Variants in GRM7 observed in about 807,000 individuals in gnomAD.
The protein encoded by GRM7 is glutamate metabotropic receptor 7, also known as metabotropic glutamate receptor 7.
GRM7 carries 35 observed loss-of-function variants against 84.5 expected under a neutral mutation model. The observed-to-expected ratio is 0.41, with a 90% CI of 0.32 to 0.55. GRM7 has a LOEUF of 0.55. GRM7 is among the 20% of genes least tolerant of loss of function. GRM7 has a pLI of 0.19. For missense variants in GRM7, 1,003 were observed against 1,194.6 expected, an observed-to-expected ratio of 0.84 and a Z score of 2.36; for synonymous variants, 487 against 455.1, an observed-to-expected ratio of 1.07 and a Z score of -0.89.
rs572276217 is a variant in GRM7, at chr3:7,540,981, T to C, written c.1516-37441T>C. On this transcript the variant is annotated intron_variant, in intron 7 of 9. Transcript: ENST00000357716. ...AGAAGTACATATAGATTATTCAATA[T>C]GTTAATAAAGCTTGGAAACAAATTC... Among the ~76,000 whole-genome samples, 8 of 152,316 alleles carry C rather than the reference T, an allele frequency of 5.3e-5. No homozygotes were observed. The East Asian group carries it at 1.5e-3, about 29-fold the overall frequency.
intron 2 of GRM7, among the ~76,000 whole-genome samples, chr3:7,227,808 G>A (rs182588139): frequency 6.6e-6 from 1 of 152,266 alleles, no homozygotes; most frequent in East Asian, 1.9e-4. Flanking sequence ...TTCTCTGGCT[G>A]CAAGTGATAG....
intron 7 of GRM7, among the ~76,000 whole-genome samples, chr3:7,476,828 TTC>T (rs1292812699): frequency 6.6e-6 from 1 of 152,184 alleles, no homozygotes; most frequent in Non-Finnish European, 1.5e-5. Context: ...ATCTGTCACA[TTC>T]TGTCTGACAG....
intron 7 of GRM7, among the ~76,000 whole-genome samples, chr3:7,463,985 C>G (rs1698358941): frequency 6.6e-6 from 1 of 152,116 alleles, no homozygotes; most frequent in South Asian, 2.1e-4. Context: ...AATTATGATT[C>G]TTTTGCAGGT....
chr3:7,485,069 C>T (rs574893664), intron 7 of GRM7, among the ~76,000 whole-genome samples: 2 of 152,266 alleles, frequency 1.3e-5, no homozygotes, highest in East Asian at 1.9e-4. Context: ...ACATGGTGAG[C>T]TTGCAAGTCA....
At chr3:7,315,551 G>T (rs541319896) in intron 4 of GRM7, among the ~76,000 whole-genome samples, 27 of 152,112 alleles carry the variant, frequency 1.8e-4, no homozygotes, top group Non-Finnish European at 3.2e-4. Flanking sequence ...AATAAACTTT[G>T]TCCATCCTTC....
intron 3 of GRM7, among the ~76,000 whole-genome samples, chr3:7,300,049 T>A (rs1699944558): frequency 1.3e-5 from 2 of 151,904 alleles, no homozygotes; most frequent in Non-Finnish European, 2.9e-5. Context: ...AAGACAAAAA[T>A]ATGTCCCTTC....
intron 7 of GRM7, among the ~76,000 whole-genome samples, chr3:7,575,800 G>T (rs956149425): frequency 1.3e-5 from 2 of 152,090 alleles, no homozygotes; most frequent in African/African-American, 4.8e-5. Context: ...AACAAATTAA[G>T]TGATCAGTCA....
chr3:7,579,686 C>T (rs930997660), intron 8 of GRM7, among the ~76,000 whole-genome samples: 11 of 151,928 alleles, frequency 7.2e-5, no homozygotes, highest in African/African-American at 2.2e-4. Context: ...TCTCCACTTA[C>T]CCACATATTT....
At chr3:7,226,713 T>C (rs959269848) in intron 2 of GRM7, among the ~76,000 whole-genome samples, 34 of 152,286 alleles carry the variant, frequency 2.2e-4, no homozygotes, top group African/African-American at 7.9e-4. Flanking sequence ...ATTGAATAAA[T>C]CAAACTTCCT....
intron 1 of GRM7, among the ~76,000 whole-genome samples, chr3:6,904,416 C>T (rs990625232): frequency 6.6e-6 from 1 of 152,264 alleles, no homozygotes; most frequent in South Asian, 2.1e-4. Context: ...CTTCAGTTTT[C>T]TCACCTGTAA....
chr3:7,094,591 T>C (rs142802185), intron 1 of GRM7, among the ~76,000 whole-genome samples: 397 of 152,334 alleles, frequency 2.6e-3, no homozygotes, highest in Middle Eastern at 6.8e-3. Flanking sequence ...GGCAATACTT[T>C]TGCCTAAAAT....
intron 5 of GRM7, among the ~76,000 whole-genome samples, chr3:7,419,196 T>TA (rs1696295424): frequency 6.6e-6 from 1 of 152,142 alleles, no homozygotes; most frequent in African/African-American, 2.4e-5. Flanking sequence ...TATAGGGTGA[T>TA]ATATTGAGTA....
At chr3:7,099,328 T>C (rs980836439) in intron 1 of GRM7, among the ~76,000 whole-genome samples, 4 of 147,448 alleles carry the variant, frequency 2.7e-5, no homozygotes, top group Non-Finnish European at 6.0e-5. Flanking sequence ...TGTATATATG[T>C]ACACATGTAT....
intron 1 of GRM7, among the ~76,000 whole-genome samples, chr3:6,876,007 C>T (rs553523998): frequency 6.6e-5 from 10 of 152,234 alleles, no homozygotes; most frequent in African/African-American, 2.2e-4. Context: ...GTGGCTCACG[C>T]GTGTAACCAT....
At chr3:7,172,170 G>T (rs1468432530) in intron 2 of GRM7, among the ~76,000 whole-genome samples, 1 of 152,128 alleles carries the variant, frequency 6.6e-6, no homozygotes, top group African/African-American at 2.4e-5. Context: ...TTTGCCAAAA[G>T]ACTATATGAG....
intron 8 of GRM7, among the ~76,000 whole-genome samples, chr3:7,669,141 T>TAAGTC (rs1389503154): frequency 6.6e-6 from 1 of 152,240 alleles, no homozygotes; most frequent in Non-Finnish European, 1.5e-5. Flanking sequence ...TATGGAATGT[T>TAAGTC]AAGTCTAGCA....
chr3:7,646,185 A>ATTG (rs1258651954), intron 8 of GRM7, among the ~76,000 whole-genome samples: 1 of 151,806 alleles, frequency 6.6e-6, no homozygotes, highest in Non-Finnish European at 1.5e-5. Flanking sequence ...GTCAATTATT[A>ATTG]TTGTTATTAT....
At chr3:7,234,319 G>A (rs542244805) in intron 2 of GRM7, among the ~76,000 whole-genome samples, 132 of 152,248 alleles carry the variant, frequency 8.7e-4, no homozygotes, top group Non-Finnish European at 1.5e-3. Context: ...GGAAGATAGT[G>A]ATTAATTCAC....
chr3:7,468,979 T>C (rs931557329), intron 7 of GRM7, among the ~76,000 whole-genome samples: 2 of 152,226 alleles, frequency 1.3e-5, no homozygotes, highest in Admixed American at 6.5e-5. Context: ...ATACACATGA[T>C]CCATAATTGC....
Sources: gnomAD v4.1 joint callset for allele counts (sites outside exome capture counted in the v4.1 genomes callset) on GRCh38, gnomAD v4.1.1 for gene constraint, MANE v1.5 for transcripts, NCBI Gene and HGNC (gene_info 2026-07-23, HGNC 2026-07-21) for gene names.